PRUNE2: variants seen among roughly 807,000 people sequenced by gnomAD.
The protein encoded by PRUNE2 is protein prune homolog 2.
Under a neutral mutation model 252.0 loss-of-function variants are expected in PRUNE2, and 164 were observed. The ratio of observed to expected loss-of-function variants is 0.65; its 90% CI spans 0.57 to 0.74. The LOEUF (loss-of-function observed/expected upper bound fraction) is 0.74. PRUNE2 is among the 30% of genes least tolerant of loss of function. The probability of loss-of-function intolerance (pLI) is 0.00; values close to 1 mark genes in which losing one functional copy is unlikely to be tolerated. For synonymous variants in PRUNE2, 1,292 were observed against 1,350.2 expected (o/e 0.96, Z 0.94); for missense variants, 3,495 against 3,711.0 (o/e 0.94, Z 1.51).
chr9:76,707,693 C>A lies in PRUNE2; in HGVS notation c.4581G>T (p.Ser1527=), dbSNP rs372689476. 95 of 1,613,750 alleles carry A rather than the reference C, an allele frequency of 5.9e-5. No homozygotes were observed. Among genetic ancestry groups the A allele is most frequent in the Non-Finnish European group, 7.5e-5 (89 of 1,179,876 alleles). Residue 1527 remains serine (S), a synonymous_variant, in exon 8 of 19, where the codon TCG becomes TCT. Transcript: ENST00000376718. ...GSENSLPGAG[S]SGNFDRDTIS... is the part of the protein sequence containing the mutation. ...TAGTATCTCTGTCAAAATTTCCAGA[C>A]GAACCGGCTCCTGGAAGGCTATTTT... is the stretch of plus-strand genomic sequence containing the variant.
chr9:76,865,388 A>C (rs762708950), intron 1 of PRUNE2, among the ~76,000 whole-genome samples: 33 of 152,336 alleles, frequency 2.2e-4, no homozygotes, highest in South Asian at 1.4e-3. Flanking sequence ...CTAGTACAGT[A>C]ATACACAGTA....
At position 76,711,355 on chromosome 9, in the gene PRUNE2, A is replaced by G. The variant is rs777033142; in HGVS notation, c.919T>C (p.Cys307Arg). The G allele has an allele frequency of 1.2e-6, 2 of 1,606,576 alleles. No individual in the cohort carries two copies. The highest frequency in any genetic ancestry group is 1.7e-6 in the Non-Finnish European group (2 of 1,175,928). ...TTCTGACACTCTTCCAGCTCACAGC[A>G]AATCTGTCGGAAGGCACAGGAATTT... ...SENMELCSQI[C>R]CELEECQNPC... The change falls in exon 8 of 19, where the codon TGC (cysteine) becomes CGC (arginine). Residue 307 changes from cysteine (C) to arginine (R), a missense_variant. Cys to Arg is a radical substitution (Grantham distance 180). Transcript: ENST00000376718.
At chr9:76,711,591 G>A (rs1015925703) in intron 7 of PRUNE2, among the ~76,000 whole-genome samples, 6 of 152,190 alleles carry the variant, frequency 3.9e-5, no homozygotes, top group African/African-American at 1.2e-4. Context: ...GATTTTGAAG[G>A]CTCCTGAACG....
At chr9:76,819,950 T>G (rs1174244204) in intron 6 of PRUNE2, among the ~76,000 whole-genome samples, 1 of 152,192 alleles carries the variant, frequency 6.6e-6, no homozygotes, top group Non-Finnish European at 1.5e-5. Context: ...TGCTCTTTGA[T>G]ATCCATAAAT....
At chr9:76,616,464 A>C (rs1189127873) in intron 18 of PRUNE2, among the ~76,000 whole-genome samples, 2 of 152,170 alleles carry the variant, frequency 1.3e-5, no homozygotes, top group African/African-American at 4.8e-5. Flanking sequence ...AAAAACTGCG[A>C]GAGTGGGTCA....
chr9:76,767,459 A>AAG (rs1189208910), intron 6 of PRUNE2, among the ~76,000 whole-genome samples: 3 of 151,832 alleles, frequency 2.0e-5, no homozygotes, highest in African/African-American at 7.3e-5. Flanking sequence ...CTCAAAAAAA[A>AAG]AAAGAAAGAA....
chr9:76,902,774 A>C (rs1277505825), intron 1 of PRUNE2, among the ~76,000 whole-genome samples: 1 of 152,224 alleles, frequency 6.6e-6, no homozygotes, highest in Non-Finnish European at 1.5e-5. Flanking sequence ...AGTCAGGCCC[A>C]CATGAGAAGC....
intron 6 of PRUNE2, among the ~76,000 whole-genome samples, chr9:76,818,327 T>A (rs1184417282): frequency 1.3e-5 from 2 of 152,226 alleles, no homozygotes; most frequent in East Asian, 3.8e-4. Context: ...GTGGCTCACT[T>A]ATGCTTCACT....
Position 76,705,572 on chromosome 9 carries a change from G to C in PRUNE2, c.6702C>G (p.Ser2234Arg), listed in dbSNP as rs774650545. ...RIPRIENVAT[S>R]IFVTHQEPTP... Reference sequence around the variant, plus strand: ...TTGGCTCTTGGTGAGTTACAAAAATGCTAGTTGCCACATTTTCAATCCTTG... The same window carrying C: ...TTGGCTCTTGGTGAGTTACAAAAATCCTAGTTGCCACATTTTCAATCCTTG... Residue 2234 changes from serine to arginine, a missense_variant, in exon 8 of 19, where the codon AGC becomes AGG. By Grantham distance (110) the Ser-to-Arg change is moderately radical. Coordinates refer to ENST00000376718, the MANE Select transcript of PRUNE2 (RefSeq NM_015225.3). 2 of 1,614,036 alleles carry C rather than the reference G, an allele frequency of 1.2e-6. No homozygotes were observed.
intron 6 of PRUNE2, among the ~76,000 whole-genome samples, chr9:76,720,106 T>C (rs1252761407): frequency 1.4e-5 from 2 of 145,728 alleles, no homozygotes; most frequent in Non-Finnish European, 3.0e-5. Context: ...ACACAAAGGA[T>C]TGTTAAACTG....
At position 76,704,775 on chromosome 9, in the gene PRUNE2, A is replaced by G; in HGVS notation, c.7499T>C (p.Ile2500Thr). ...ATGTTTCTTACCATTTGGTGGTCCT[A>G]TGTCTCCACCTGCTGGTAAATCAGA... ...DNSDLPAGGD[I>T]GPPNGASKEI... The change falls in exon 8 of 19, where the codon ATA (isoleucine) becomes ACA (threonine). Residue 2500 changes from isoleucine to threonine, a missense_variant. By Grantham distance (89) the Ile-to-Thr change is moderately conservative (BLOSUM62 -1). Coordinates refer to ENST00000376718, the MANE Select transcript of PRUNE2 (RefSeq NM_015225.3). 1 of 1,557,798 alleles carries G rather than the reference A, an allele frequency of 6.4e-7. No individual in the cohort carries two copies. The highest frequency in any genetic ancestry group is 1.2e-5 in the South Asian group (1 of 84,230).
chr9:76,789,734 A>G (rs1384703215), intron 6 of PRUNE2, among the ~76,000 whole-genome samples: 1 of 152,092 alleles, frequency 6.6e-6, no homozygotes, highest in Non-Finnish European at 1.5e-5. Context: ...ACCATTGATT[A>G]ACATTCTCCT....
intron 14 of PRUNE2, among the ~76,000 whole-genome samples, chr9:76,637,042 T>C (rs1275741313): frequency 1.3e-5 from 2 of 151,416 alleles, no homozygotes; most frequent in African/African-American, 4.9e-5. Context: ...CAAGTTACTA[T>C]TACCTGGTAG....
Position 76,710,002 on chromosome 9 carries a change from T to C in PRUNE2, c.2272A>G (p.Thr758Ala), listed in dbSNP as rs776452768. The stretch of plus-strand genomic sequence containing the variant: ...GCAAAGTCTTCTATCAGGTGGTTTG[T>C]TCCTTGGGGAGATGTATTTGGCAAA... ...SPLPNTSPQG[T>A]NHLIEDFASL... is the part of the protein sequence containing the mutation. The change falls in exon 8 of 19, where the codon ACA (threonine) becomes GCA (alanine). Residue 758 changes from threonine to alanine, a missense_variant. Thr to Ala is a moderately conservative substitution (Grantham distance 58). Coordinates refer to ENST00000376718, the MANE Select transcript of PRUNE2 (RefSeq NM_015225.3). 6.2e-7 allele frequency: 1 copy of C among 1,613,788 alleles called. No homozygotes were observed. Among genetic ancestry groups the C allele is most frequent in the South Asian group, 1.1e-5 (1 of 91,024 alleles).
chr9:76,826,590 G>A lies in PRUNE2; in HGVS notation c.651C>T (p.Phe217=). 6.3e-7 allele frequency: 1 copy of A among 1,599,048 alleles called. No individual in the cohort carries two copies. The highest frequency in any genetic ancestry group is 8.5e-7 in the Non-Finnish European group (1 of 1,171,014). The change falls in exon 5 of 19, where the codon TTC becomes TTT. Residue 217 remains phenylalanine, a synonymous_variant. Transcript: ENST00000376718. ...GACAGAGTCACTCACCCTGAGCACT[G>A]AACTGGGTCTCCTGTAGGACGTTGA... is the stretch of plus-strand genomic sequence containing the variant. ...DIINVLQETQ[F]SAQGLSIEQT...
chr9:76,730,575 A>T (rs189228692), intron 6 of PRUNE2, among the ~76,000 whole-genome samples: 82 of 152,302 alleles, frequency 5.4e-4, no homozygotes, highest in Non-Finnish European at 1.1e-3. Context: ...ACCAGAAGCC[A>T]TAAAAAAAGG....
In PRUNE2 at chr9:76,693,437, C is replaced by CTGTTTTTT. The variant is rs1340516764; in HGVS notation, c.8276+9899_8276+9900insAAAAAACA. ...GGTGCTTAAGAGATGTTAGCACCTA[C>CTGTTTTTT]TCTTTTTTTTTTTTTTTTTTTTTGG... On this transcript the variant is annotated intron_variant, in intron 9 of 18. Transcript: ENST00000376718. 7.5e-5 allele frequency among the ~76,000 whole-genome samples: 6 copies of CTGTTTTTT among 79,786 alleles called. No individual in the cohort carries two copies. The South Asian group carries it at 2.8e-3, about 37-fold the overall frequency. 52.3% of individuals were successfully genotyped at this position (79,786 alleles called of 152,430 possible). A position where few individuals can be genotyped will look rare whatever the true frequency, so the allele number is the denominator to read the frequency against.
intron 6 of PRUNE2, among the ~76,000 whole-genome samples, chr9:76,783,344 C>T (rs2054627581): frequency 6.6e-6 from 1 of 152,034 alleles, no homozygotes; most frequent in Non-Finnish European, 1.5e-5. Flanking sequence ...ACCATATTGG[C>T]CAGGCTGGTC....
At chr9:76,869,026 A>G (rs953136787) in intron 1 of PRUNE2, 1 of 152,124 alleles carries the variant, frequency 6.6e-6, no homozygotes, top group Non-Finnish European at 1.5e-5. Flanking sequence ...GAAGGGCTGG[A>G]GCTAATTAGT....
Sources: gnomAD v4.1 joint callset for allele counts (sites outside exome capture counted in the v4.1 genomes callset) on GRCh38, gnomAD v4.1.1 for gene constraint, MANE v1.5 for transcripts, NCBI Gene and HGNC (gene_info 2026-07-23, HGNC 2026-07-21) for gene names.